Variants in JAK2 observed in about 807,000 individuals in gnomAD.
JAK2 encodes the protein Janus kinase 2, also known as tyrosine-protein kinase JAK2.
Under a neutral mutation model 139.3 loss-of-function variants are expected in JAK2, and 86 were observed. The observed-to-expected ratio is 0.62, with a 90% CI of 0.52 to 0.74. The LOEUF is 0.74. Among genes scored for constraint, JAK2 ranks in the 30% least tolerant of loss-of-function variants. The pLI, the probability that JAK2 is intolerant of heterozygous loss-of-function variation, is 0.00. For missense variants in JAK2, 1,421 were observed against 1,360.3 expected (o/e 1.04, Z -0.70); for synonymous variants, 490 against 437.7 (o/e 1.12, Z -1.49).
Position 5,041,455 on chromosome 9 carries a change from GCAGGGGCTCAAGGCTGA to G in JAK2, c.351-2945_351-2929del. ...ACTTCCTGTGCAGCAGCCTCCCCTGGCAGGGGCTCAAGGCTGACACGATCATGAGCGGTACAGAAGAT... is the reference window on the plus strand; with the variant it reads ...ACTTCCTGTGCAGCAGCCTCCCCTGGCACGATCATGAGCGGTACAGAAGAT... On this transcript the variant is annotated intron_variant, in intron 4 of 24. Coordinates refer to ENST00000381652, the MANE Select transcript of JAK2 (RefSeq NM_004972.4). The G allele has an allele frequency of 4.9e-6, 3 of 613,202 alleles. No homozygotes were observed. In the East Asian group the frequency reaches 1.1e-4, roughly 22 times the overall value. The allele number at this position is 613,202 out of a possible 1,614,324, so 38.0% of individuals were successfully genotyped here.
At chr9:5,087,254 C>G (rs970577216) in intron 19 of JAK2, among the ~76,000 whole-genome samples, 1 of 152,164 alleles carries the variant, frequency 6.6e-6, no homozygotes, top group African/African-American at 2.4e-5. Flanking sequence ...GCAGAAGGCA[C>G]CTCTTCACAG....
intron 2 of JAK2, among the ~76,000 whole-genome samples, chr9:5,000,442 TGTA>T (rs1252314595): frequency 2.0e-5 from 3 of 152,222 alleles, no homozygotes; most frequent in Admixed American, 6.5e-5. Context: ...AAAATGTTTA[TGTA>T]GTTTAAAGGA....
At chr9:5,027,947 T>C (rs1037208007) in intron 3 of JAK2, among the ~76,000 whole-genome samples, 3 of 152,198 alleles carry the variant, frequency 2.0e-5, no homozygotes, top group Admixed American at 6.6e-5. Context: ...CCCTCAAAGA[T>C]ACCCATGAGA....
At chr9:5,088,444 C>T (rs892798515) in intron 19 of JAK2, among the ~76,000 whole-genome samples, 1 of 152,030 alleles carries the variant, frequency 6.6e-6, no homozygotes, top group Non-Finnish European at 1.5e-5. Flanking sequence ...TGATTAATAT[C>T]AAAAACCTAT....
chr9:5,076,188 G>C (rs954895173), intron 14 of JAK2, among the ~76,000 whole-genome samples: 2 of 152,136 alleles, frequency 1.3e-5, no homozygotes, highest in Admixed American at 6.5e-5. Context: ...TGAACATTGT[G>C]AAATGACAAC....
chr9:5,030,759 T>C (rs886869442), intron 4 of JAK2, among the ~76,000 whole-genome samples: 1 of 152,136 alleles, frequency 6.6e-6, no homozygotes, highest in African/African-American at 2.4e-5. Flanking sequence ...ATTGTTTTGC[T>C]TCTTTCTCTT....
chr9:5,082,157 G>T (rs1819748686), intron 19 of JAK2, among the ~76,000 whole-genome samples: 1 of 152,184 alleles, frequency 6.6e-6, no homozygotes, highest in South Asian at 2.1e-4. Context: ...CAGGGGACCA[G>T]TGCTCAGCAT....
chr9:5,126,527 T>C, intron 24 of JAK2, 81 bp downstream of exon 24: 2 of 1,054,786 alleles, frequency 1.9e-6, no homozygotes, highest in South Asian at 1.4e-5. Flanking sequence ...CTTCCTGAAA[T>C]TTAATGTGCG....
intron 2 of JAK2, among the ~76,000 whole-genome samples, chr9:5,017,666 TATA>T (rs1822157626): frequency 6.6e-6 from 1 of 152,234 alleles, no homozygotes; most frequent in East Asian, 1.9e-4. Context: ...TAATACTGAC[TATA>T]ATAAGATACG....
At chr9:5,099,556 A>G (rs1188230238) in intron 22 of JAK2, 1 of 152,240 alleles carries the variant, frequency 6.6e-6, no homozygotes, top group African/African-American at 2.4e-5. Context: ...CTTCCTGAGA[A>G]TTAAAATGAA....
intron 19 of JAK2, chr9:5,086,154 G>A (rs1426153615): frequency 3.1e-5 from 11 of 360,408 alleles, no homozygotes; most frequent in South Asian, 9.0e-5. Flanking sequence ...CAAGGCTCGG[G>A]GAGCGGTCTC....
chr9:4,996,961 A>C (rs1363552971), intron 2 of JAK2, among the ~76,000 whole-genome samples: 1 of 119,088 alleles, frequency 8.4e-6, no homozygotes, highest in Admixed American at 1.1e-4. Flanking sequence ...AGATGGTTTC[A>C]CTGTCACTCA....
At chr9:5,110,637 G>A (rs1227336579) in intron 22 of JAK2, 2 of 215,284 alleles carry the variant, frequency 9.3e-6, no homozygotes, top group East Asian at 1.3e-4. Context: ...TTACTCTAAA[G>A]ACCTTATTAT....
At chr9:5,090,409 G>T (rs1820487591) in intron 20 of JAK2, 37 bp from the exon 21 acceptor site, 2 of 1,440,298 alleles carry the variant, frequency 1.4e-6, no homozygotes, top group African/African-American at 2.8e-5. Context: ...GTATAATATG[G>T]CAGAGTAAAA....
chr9:5,031,570 T>G (rs1004905968), intron 4 of JAK2, among the ~76,000 whole-genome samples: 1 of 152,196 alleles, frequency 6.6e-6, no homozygotes, highest in Non-Finnish European at 1.5e-5. Flanking sequence ...AATTATAGAT[T>G]GATTAAAGAT....
At position 5,090,808 on chromosome 9, in the gene JAK2, A is replaced by C. The variant is rs1344923928; in HGVS notation, c.2956A>C (p.Asn986His). ...DLATRNILVE[N>H]ENRVKIGDFG... ...GGCAACGAGAAATATATTGGTGGAG[A>C]ACGAGAACAGAGTTAAAATTGGAGA... The change falls in exon 22 of 25, where the codon AAC becomes CAC. Residue 986 changes from asparagine (N) to histidine (H), a missense_variant. Asn to His is a moderately conservative substitution (Grantham distance 68). Coordinates refer to ENST00000381652, the MANE Select transcript of JAK2 (RefSeq NM_004972.4). The C allele has an allele frequency of 6.2e-7, 1 of 1,613,536 alleles. No individual in the cohort carries two copies. The highest frequency in any genetic ancestry group is 1.3e-5 in the African/African-American group (1 of 74,922).
intron 12 of JAK2, 32 bp downstream of exon 12, chr9:5,070,084 T>C: frequency 6.6e-7 from 1 of 1,523,702 alleles, no homozygotes; most frequent in Middle Eastern, 1.7e-4. Context: ...ACTGTCTTTT[T>C]TGTCCTTTTA....
intron 23 of JAK2, among the ~76,000 whole-genome samples, chr9:5,123,738 T>C (rs1305734652): frequency 6.6e-6 from 1 of 151,932 alleles, no homozygotes; most frequent in Non-Finnish European, 1.5e-5. Flanking sequence ...ATGTTTTCCA[T>C]AGAGGTTGTA....
chr9:5,072,288 A>G (rs1272951338), intron 12 of JAK2, among the ~76,000 whole-genome samples: 1 of 152,218 alleles, frequency 6.6e-6, no homozygotes, highest in East Asian at 1.9e-4. Context: ...CACTTAATTC[A>G]TTAATCCTTG....
Sources: allele counts gnomAD v4.1 joint callset (sites outside exome capture counted in the v4.1 genomes callset), GRCh38; gene constraint gnomAD v4.1.1; transcripts MANE v1.5; gene names NCBI Gene and HGNC (gene_info 2026-07-23, HGNC 2026-07-21).